GNB5: variants seen among roughly 807,000 people sequenced by gnomAD.
GNB5 encodes G protein subunit beta 5.
In GNB5, 37 loss-of-function variants were observed where a neutral mutation model predicts 55.3. That is an observed-to-expected ratio of 0.67 (90% CI 0.51 to 0.88). GNB5 has a LOEUF of 0.88. Ranked by LOEUF, GNB5 falls within the 40% of genes least tolerant of loss-of-function variation. GNB5 has a pLI of 0.00. For missense variants in GNB5, 476 were observed against 515.3 expected, an observed-to-expected ratio of 0.92 and a Z score of 0.74; for synonymous variants, 219 against 198.5, an observed-to-expected ratio of 1.10 and a Z score of -0.87.
chr15:52,137,844 G>C (rs1172343584), intron 7 of GNB5: 11 of 1,285,272 alleles, frequency 8.6e-6, no homozygotes, highest in Middle Eastern at 3.2e-4. Context: ...CTGCCTTCTG[G>C]CTGCTCCACA....
At chr15:52,147,615 C>A in intron 5 of GNB5, 80 bp from the exon 6 acceptor site, 1 of 697,152 alleles carries the variant, frequency 1.4e-6, no homozygotes. Context: ...GAGATGGAGT[C>A]TCACTCTGTT....
chr15:52,185,106 C>T (rs965852600), intron 1 of GNB5, among the ~76,000 whole-genome samples: 1 of 152,254 alleles, frequency 6.6e-6, no homozygotes, highest in Non-Finnish European at 1.5e-5. Flanking sequence ...AATGATGGAG[C>T]CTGACCCCAA....
chr15:52,152,823 C>T (rs1005641458), intron 4 of GNB5, among the ~76,000 whole-genome samples: 5 of 152,062 alleles, frequency 3.3e-5, no homozygotes, highest in Non-Finnish European at 5.9e-5. Context: ...TTTATAAAGA[C>T]GAGGTCTCAC....
intron 5 of GNB5, among the ~76,000 whole-genome samples, chr15:52,149,099 C>T (rs1294660285): frequency 1.3e-5 from 2 of 152,180 alleles, no homozygotes; most frequent in Non-Finnish European, 2.9e-5. Context: ...AGGGACTCGA[C>T]TCTACAAAAT....
chr15:52,160,011 G>A (rs958269204), intron 3 of GNB5, among the ~76,000 whole-genome samples: 3 of 151,224 alleles, frequency 2.0e-5, no homozygotes, highest in Non-Finnish European at 4.4e-5. Flanking sequence ...GCAATGGTGT[G>A]ATCTTGGCTC....
intron 11 of GNB5, 42 bp from the exon 12 acceptor site, chr15:52,124,681 G>C (rs1283834344): frequency 1.9e-6 from 3 of 1,566,486 alleles, no homozygotes; most frequent in Non-Finnish European, 2.6e-6. Flanking sequence ...CCAGTTCCTT[G>C]CTTCCTGTTT....
chr15:52,145,158 TTCTC>T (rs1001736713), intron 6 of GNB5, among the ~76,000 whole-genome samples: 2 of 152,102 alleles, frequency 1.3e-5, no homozygotes, highest in Admixed American at 1.3e-4. Context: ...TGTGGCCTAT[TTCTC>T]TCTTGCTTGC....
At chr15:52,133,851 G>A (rs1333740526) in intron 8 of GNB5, among the ~76,000 whole-genome samples, 1 of 152,246 alleles carries the variant, frequency 6.6e-6, no homozygotes, top group Non-Finnish European at 1.5e-5. Flanking sequence ...CAGGCAGGCA[G>A]TGGTGTGTGG....
rs768601085 is a variant in GNB5, at chr15:52,141,144, A to C, written c.623T>G (p.Met208Arg). The C allele has an allele frequency of 4.3e-6, 7 of 1,614,062 alleles. No homozygotes were observed. The South Asian group carries it at 7.7e-5, about 18-fold the overall frequency. ...LSACSFTNSD[M>R]QILTASGDGT... ...CACCGGGGGCTGCCTATTTACCTGC[A>C]TGTCAGAGTTGGTGAAGCTGCAGGC... Residue 208 changes from methionine to arginine, a missense_variant, in exon 7 of 13, where the codon ATG becomes AGG. Met to Arg is a moderately conservative substitution (Grantham distance 91). Coordinates refer to ENST00000261837, the MANE Select transcript of GNB5 (RefSeq NM_016194.4).
Position 52,153,812 on chromosome 15 carries a change from T to C in GNB5, c.375+128A>G, listed in dbSNP as rs2034150210. 4 of 762,502 alleles carry C rather than the reference T, an allele frequency of 5.2e-6. No homozygotes were observed. The Admixed American group carries it at 9.8e-5, about 19-fold the overall frequency. 47.2% of individuals were successfully genotyped at this position (762,502 alleles called of 1,614,324 possible). A position where few individuals can be genotyped will look rare whatever the true frequency, so the allele number is the denominator to read the frequency against. On this transcript the variant is annotated intron_variant, in intron 4 of 12. Coordinates refer to ENST00000261837, the MANE Select transcript of GNB5 (RefSeq NM_016194.4). ...ATGTAAGAGAGTTCTTTATGCTAAA[T>C]CACATCCTTTGGAGAATGAGCAAAG... is the stretch of plus-strand genomic sequence containing the variant.
intron 1 of GNB5, 29 bp from the exon 2 acceptor site, chr15:52,184,723 G>A: frequency 6.3e-7 from 1 of 1,588,538 alleles, no homozygotes. Flanking sequence ...AAGGGAGGGG[G>A]TGTGAGAAAA....
intron 3 of GNB5, among the ~76,000 whole-genome samples, chr15:52,173,963 T>TA (rs1461233411): frequency 6.6e-6 from 1 of 152,224 alleles, no homozygotes; most frequent in Non-Finnish European, 1.5e-5. Context: ...GATACTATCT[T>TA]ACGGCAAAAG....
chr15:52,132,563 C>A (rs1238118110), intron 9 of GNB5, among the ~76,000 whole-genome samples: 1 of 150,406 alleles, frequency 6.6e-6, no homozygotes, highest in Non-Finnish European at 1.5e-5. Context: ...TCTCGGCTCA[C>A]TGTAGCCTCA....
intron 1 of GNB5, among the ~76,000 whole-genome samples, 181 bp from the exon 2 acceptor site, chr15:52,184,875 A>G (rs1041444137): frequency 1.3e-4 from 20 of 152,238 alleles, no homozygotes; most frequent in African/African-American, 4.8e-4. Context: ...AACTCATTTA[A>G]TCAGTGAGAA....
chr15:52,126,173 C>G, intron 10 of GNB5, 129 bp from the exon 11 acceptor site: 1 of 597,462 alleles, frequency 1.7e-6, no homozygotes, highest in Admixed American at 2.9e-5. Context: ...TCTTAGTTTT[C>G]CCTACTGTTA....
intron 3 of GNB5, among the ~76,000 whole-genome samples, chr15:52,169,538 C>CAAAAAAAA (rs60470864): frequency 3.3e-3 from 237 of 71,440 alleles, no homozygotes; most frequent in Non-Finnish European, 3.7e-3. Context: ...GACTCTGTCT[C>CAAAAAAAA]AAAAAAAAAA....
At chr15:52,146,102 A>G (rs1596074137) in intron 6 of GNB5, among the ~76,000 whole-genome samples, 1 of 151,352 alleles carries the variant, frequency 6.6e-6, no homozygotes, top group South Asian at 2.1e-4. Context: ...GACTACAGGC[A>G]CCCGCCACCG....
At chr15:52,152,572 G>A (rs949809877) in intron 4 of GNB5, among the ~76,000 whole-genome samples, 3 of 151,484 alleles carry the variant, frequency 2.0e-5, no homozygotes, top group Non-Finnish European at 2.9e-5. Context: ...TGATCCATCC[G>A]CCTCGGCCTC....
chr15:52,187,705 T>C (rs571630039), intron 1 of GNB5, among the ~76,000 whole-genome samples: 1 of 152,282 alleles, frequency 6.6e-6, no homozygotes, highest in Admixed American at 6.5e-5. Flanking sequence ...TCCCAGCACT[T>C]TGGGAGGCCA....
Sources: gnomAD v4.1 joint callset for allele counts (sites outside exome capture counted in the v4.1 genomes callset) on GRCh38, gnomAD v4.1.1 for gene constraint, MANE v1.5 for transcripts, NCBI Gene and HGNC (gene_info 2026-07-23, HGNC 2026-07-21) for gene names.